The following SDK1 variants were observed in gnomAD, a reference collection of about 807,000 sequenced individuals.
SDK1 encodes the protein protein sidekick-1.
A neutral mutation model predicts 245.5 loss-of-function variants in SDK1; 157 were observed. The ratio of observed to expected loss-of-function variants is 0.64; its 90% CI spans 0.56 to 0.73. The LOEUF (loss-of-function observed/expected upper bound fraction) is 0.73, where lower values mean the gene tolerates loss of function less well. Ranked by LOEUF, SDK1 falls within the 30% of genes least tolerant of loss-of-function variation. SDK1 has a pLI of 0.00. For synonymous variants in SDK1, 1,647 were observed against 1,278.5 expected, an observed-to-expected ratio of 1.29 and a Z score of -6.15; for missense variants, 3,583 against 3,002.3, an observed-to-expected ratio of 1.19 and a Z score of -4.52.
chr7:4,266,683 C>A lies in SDK1; in HGVS notation c.*1299C>A. On this transcript the variant is annotated 3_prime_UTR_variant, in exon 45 of 45. Coordinates refer to ENST00000404826, the MANE Select transcript of SDK1 (RefSeq NM_152744.4). ...GCTCAGAGATGGCCATGCCTCCAGCCCCTCACGTCATCTTTGCAACAGACG... is the reference window on the plus strand; with the variant it reads ...GCTCAGAGATGGCCATGCCTCCAGCACCTCACGTCATCTTTGCAACAGACG... The A allele has an allele frequency of 1.0e-6, 1 of 985,468 alleles. No homozygotes were observed. The highest frequency in any genetic ancestry group is 1.2e-6 in the Non-Finnish European group (1 of 829,938). The allele number at this position is 985,468 out of a possible 1,614,324, so 61.0% of individuals were successfully genotyped here.
chr7:4,129,154 T>TG (rs1784608948), intron 26 of SDK1, among the ~76,000 whole-genome samples: 1 of 61,684 alleles, frequency 1.6e-5, no homozygotes, highest in Non-Finnish European at 3.2e-5. Context: ...AGCTTAGGGT[T>TG]GGGTGCCCTG....
intron 1 of SDK1, among the ~76,000 whole-genome samples, chr7:3,453,138 C>G (rs756130739): frequency 6.6e-6 from 1 of 152,214 alleles, no homozygotes; most frequent in Admixed American, 6.5e-5. Context: ...TAACCCCCCC[C>G]GGTTTTCCAA....
At chr7:3,784,171 A>G (rs1380928981) in intron 4 of SDK1, among the ~76,000 whole-genome samples, 2 of 150,706 alleles carry the variant, frequency 1.3e-5, no homozygotes, top group Admixed American at 1.3e-4. Context: ...CTCATCCCTG[A>G]GCCTGTCAAA....
At chr7:3,371,639 TAGAAG>T (rs1381197991) in intron 1 of SDK1, among the ~76,000 whole-genome samples, 4 of 152,002 alleles carry the variant, frequency 2.6e-5, no homozygotes, top group African/African-American at 9.7e-5. Context: ...TCTCCAAAAA[TAGAAG>T]AGGAGTATGG....
chr7:3,551,655 A>T (rs967539282), intron 1 of SDK1, among the ~76,000 whole-genome samples: 4 of 151,904 alleles, frequency 2.6e-5, no homozygotes, highest in Non-Finnish European at 5.9e-5. Context: ...TAAATTTAGT[A>T]GTTTTATACA....
chr7:3,510,515 C>G (rs1194090695), intron 1 of SDK1, among the ~76,000 whole-genome samples: 1 of 152,072 alleles, frequency 6.6e-6, no homozygotes, highest in Non-Finnish European at 1.5e-5. Flanking sequence ...TACATGGGAG[C>G]CCTCAGAATG....
intron 1 of SDK1, among the ~76,000 whole-genome samples, chr7:3,584,405 C>T (rs1780614563): frequency 6.6e-6 from 1 of 152,142 alleles, no homozygotes; most frequent in Non-Finnish European, 1.5e-5. Flanking sequence ...GGACCTTATT[C>T]TGATTGAGCT....
chr7:3,736,714 A>T (rs778264437), intron 4 of SDK1, among the ~76,000 whole-genome samples: 2 of 152,324 alleles, frequency 1.3e-5, no homozygotes, highest in East Asian at 3.9e-4. Flanking sequence ...TTTGATATAC[A>T]TATGTATTGG....
At chr7:4,193,662 G>T (rs569365612) in intron 35 of SDK1, among the ~76,000 whole-genome samples, 1 of 152,000 alleles carries the variant, frequency 6.6e-6, no homozygotes, top group Non-Finnish European at 1.5e-5. Flanking sequence ...TTGCAGGTCA[G>T]CCACTCACAT....
At chr7:4,241,742 C>A (rs376773866) in intron 42 of SDK1, 51 bp from the exon 43 acceptor site, 1 of 1,608,836 alleles carries the variant, frequency 6.2e-7, no homozygotes, top group South Asian at 1.1e-5. Context: ...GGCGTGGCTG[C>A]GGTGGCCACA....
chr7:3,783,354 C>G (rs1170827272), intron 4 of SDK1, among the ~76,000 whole-genome samples: 1 of 151,766 alleles, frequency 6.6e-6, no homozygotes, highest in Non-Finnish European at 1.5e-5. Flanking sequence ...GAAGTCCTCA[C>G]CAGAGTAGTT....
intron 14 of SDK1, among the ~76,000 whole-genome samples, chr7:3,994,314 A>G (rs1463253902): frequency 6.6e-6 from 1 of 152,158 alleles, no homozygotes; most frequent in Admixed American, 6.6e-5. Flanking sequence ...AGAACTCATC[A>G]TCTGACCCCA....
chr7:4,072,814 T>C (rs1780343851), intron 20 of SDK1, among the ~76,000 whole-genome samples: 1 of 152,202 alleles, frequency 6.6e-6, no homozygotes, highest in Non-Finnish European at 1.5e-5. Context: ...CGTAGGTTTA[T>C]TAGCCCTGGT....
At position 4,220,237 on chromosome 7, in the gene SDK1, C is replaced by T. The variant is rs774875454; in HGVS notation, c.5668C>T (p.Leu1890Phe). ...GCGGACCATCACCTACGGGCCCGAG[C>T]TCCAAGCCAATATCACAGCCGGGCC... ...QARTITYGPELQANITAGPAE... is the reference protein window; with the variant it reads ...QARTITYGPEFQANITAGPAE... Residue 1890 changes from leucine to phenylalanine, a missense_variant, in exon 39 of 45, where the codon CTC (leucine) becomes TTC (phenylalanine). Transcript: ENST00000404826. 6.2e-7 allele frequency: 1 copy of T among 1,613,810 alleles called. No homozygotes were observed. The highest frequency in any genetic ancestry group is 8.5e-7 in the Non-Finnish European group (1 of 1,179,954).
intron 44 of SDK1, among the ~76,000 whole-genome samples, chr7:4,262,618 C>T (rs951158785): frequency 4.6e-5 from 7 of 151,036 alleles, no homozygotes; most frequent in African/African-American, 1.5e-4. Context: ...TTTCTCCGTC[C>T]CCTCCCCACC....
At chr7:3,971,661 T>A (rs867927742) in intron 12 of SDK1, 93 bp downstream of exon 12, 7 of 946,322 alleles carry the variant, frequency 7.4e-6, no homozygotes, top group Middle Eastern at 2.2e-4. Flanking sequence ...TTGGGGGAAC[T>A]TTTGATTTCA....
chr7:3,548,472 G>T (rs1480707728), intron 1 of SDK1, among the ~76,000 whole-genome samples: 1 of 152,178 alleles, frequency 6.6e-6, no homozygotes, highest in African/African-American at 2.4e-5. Flanking sequence ...GATGAGAGGA[G>T]AGAAACATTT....
At chr7:3,573,532 C>G (rs923820656) in intron 1 of SDK1, among the ~76,000 whole-genome samples, 1 of 152,102 alleles carries the variant, frequency 6.6e-6, no homozygotes, top group Non-Finnish European at 1.5e-5. Context: ...ACAGCCTCCA[C>G]GTGTGCACCT....
chr7:3,869,435 T>C (rs576812755), intron 5 of SDK1, among the ~76,000 whole-genome samples: 2 of 152,140 alleles, frequency 1.3e-5, no homozygotes, highest in African/African-American at 4.8e-5. Flanking sequence ...GGATTACAGG[T>C]GTGAGCCACC....
Sources: gnomAD v4.1 joint callset for allele counts (sites outside exome capture counted in the v4.1 genomes callset) on GRCh38, gnomAD v4.1.1 for gene constraint, MANE v1.5 for transcripts, NCBI Gene and HGNC (gene_info 2026-07-23, HGNC 2026-07-21) for gene names.